The following ABCC11 variants were observed in gnomAD, a reference collection of about 807,000 sequenced individuals.
The protein encoded by ABCC11 is ATP-binding cassette sub-family C member 11.
ABCC11 carries 135 observed loss-of-function variants against 149.3 expected under a neutral mutation model. That is an observed-to-expected ratio of 0.90 (90% confidence interval 0.79 to 1.04). The LOEUF is 1.04. ABCC11 is among the 50% of genes least tolerant of loss of function. The pLI is 0.00. For missense variants in ABCC11, 1,680 were observed against 1,722.1 expected (o/e 0.98, Z 0.43); for synonymous variants, 665 against 671.4 (o/e 0.99, Z 0.15).
intron 7 of ABCC11, 53 bp from the exon 8 acceptor site, chr16:48,215,397 C>G (rs1969261286): frequency 1.3e-6 from 2 of 1,591,814 alleles, no homozygotes; most frequent in Non-Finnish European, 1.7e-6. Flanking sequence ...CTTCCTTTGA[C>G]AAGGGCAGGA....
chr16:48,216,576 T>C (rs1208672894), intron 6 of ABCC11, among the ~76,000 whole-genome samples: 1 of 152,232 alleles, frequency 6.6e-6, no homozygotes, highest in Non-Finnish European at 1.5e-5. Context: ...TCTGCACACA[T>C]AGAATGTGCT....
chr16:48,203,351 T>A (rs1425130622), intron 13 of ABCC11, 51 bp from the exon 14 acceptor site: 1 of 1,478,144 alleles, frequency 6.8e-7, no homozygotes, highest in Non-Finnish European at 9.3e-7. Flanking sequence ...CTCCCGCCCA[T>A]CACCCTTCCC....
intron 11 of ABCC11, 143 bp downstream of exon 11, chr16:48,210,805 A>G: frequency 2.6e-6 from 3 of 1,156,876 alleles, no homozygotes; most frequent in Non-Finnish European, 3.6e-6. Flanking sequence ...TTTGCCCTCC[A>G]TGAAAAATTT....
intron 6 of ABCC11, among the ~76,000 whole-genome samples, chr16:48,219,124 A>G (rs905703760): frequency 6.6e-6 from 1 of 151,322 alleles, no homozygotes; most frequent in Non-Finnish European, 1.5e-5. Flanking sequence ...AATGTTTTTT[A>G]TGGGTACCTT....
At chr16:48,244,488 G>A in intron 1 of ABCC11, 12 of 1,599,698 alleles carry the variant, frequency 7.5e-6, no homozygotes, top group Non-Finnish European at 9.3e-6. Context: ...CACCAGCGTG[G>A]ACTCGGCCCG....
chr16:48,177,303 T>C (rs1596669833), intron 24 of ABCC11, among the ~76,000 whole-genome samples, 190 bp from the exon 25 acceptor site: 1 of 152,332 alleles, frequency 6.6e-6, no homozygotes, highest in Middle Eastern at 3.4e-3. Context: ...TACAAAATTT[T>C]CCCCAGAAGA....
Position 48,200,380 on chromosome 16 carries a change from G to A in ABCC11, c.1978C>T (p.Pro660Ser). 6.2e-7 allele frequency: 1 copy of A among 1,614,254 alleles called. No individual in the cohort carries two copies. ...ACGTGGGCGTCCACAGCAGACAGGGGGTCGTCCAGCAGGTAGATCTGACGG... is the reference window on the plus strand; with the variant it reads ...ACGTGGGCGTCCACAGCAGACAGGGAGTCGTCCAGCAGGTAGATCTGACGG... ...SDRQIYLLDD[P>S]LSAVDAHVGK... Residue 660 changes from proline (P) to serine (S), a missense_variant, in exon 15 of 30, where the codon CCC (proline) becomes TCC (serine). Transcript: ENST00000356608.
chr16:48,230,662 G>T, intron 2 of ABCC11, 89 bp from the exon 3 acceptor site: 2 of 1,325,342 alleles, frequency 1.5e-6, no homozygotes, highest in African/African-American at 3.0e-5. Flanking sequence ...ATGGAGAAAT[G>T]GATTTTTCCA....
At chr16:48,218,121 A>AC (rs1250887038) in intron 6 of ABCC11, among the ~76,000 whole-genome samples, 5 of 152,030 alleles carry the variant, frequency 3.3e-5, no homozygotes, top group African/African-American at 1.2e-4. Context: ...ACATAGCAAG[A>AC]CCCCATCTCT....
intron 14 of ABCC11, among the ~76,000 whole-genome samples, chr16:48,201,512 A>G (rs530541025): frequency 5.0e-4 from 59 of 118,210 alleles, no homozygotes; most frequent in African/African-American, 1.8e-3. Context: ...AGGTCTCACT[A>G]TATTGCCTAG....
At position 48,230,447 on chromosome 16, in the gene ABCC11, G is replaced by C; in HGVS notation, c.226C>G (p.Pro76Ala). 1 of 1,608,112 alleles carries C rather than the reference G, an allele frequency of 6.2e-7. No individual in the cohort carries two copies. The highest frequency in any genetic ancestry group is 8.5e-7 in the Non-Finnish European group (1 of 1,177,562). ...AALRTMIPFR[P>A]KPRFPAPQPL... ...CCCATCAGGACTCACCTCGGCTTGGGACGGAAGGGAATCATGGTTCTCAAG... is the reference window on the plus strand; with the variant it reads ...CCCATCAGGACTCACCTCGGCTTGGCACGGAAGGGAATCATGGTTCTCAAG... The change falls in exon 3 of 30, where the codon CCC (proline) becomes GCC (alanine). Residue 76 changes from proline to alanine, a missense_variant. Coordinates refer to ENST00000356608, the MANE Select transcript of ABCC11 (RefSeq NM_001370497.1).
rs994241897 is a variant in ABCC11, at chr16:48,166,507, A to G, written c.*767T>C. ...TATCTTTCTGTTACAAGACCAACAA[A>G]CTCTTTTTTTTTTCCAAAGTTAGTT... is the stretch of plus-strand genomic sequence containing the variant. On this transcript the variant is annotated 3_prime_UTR_variant, in exon 30 of 30. Transcript: ENST00000356608. Among the ~76,000 whole-genome samples the G allele has an allele frequency of 2.0e-5, 3 of 151,356 alleles. No homozygotes were observed. Among genetic ancestry groups the G allele is most frequent in the African/African-American group, 7.3e-5 (3 of 41,104 alleles).
intron 22 of ABCC11, among the ~76,000 whole-genome samples, chr16:48,184,943 G>A (rs1473702469): frequency 6.6e-6 from 1 of 152,222 alleles, no homozygotes; most frequent in East Asian, 1.9e-4. Flanking sequence ...GTGAATAAAT[G>A]CCAGGACGTG....
intron 23 of ABCC11, among the ~76,000 whole-genome samples, chr16:48,180,722 G>A (rs1048027821): frequency 2.0e-5 from 3 of 152,196 alleles, no homozygotes; most frequent in African/African-American, 7.2e-5. Context: ...GGACCCCATA[G>A]CTGAGGTTTG....
At chr16:48,221,868 A>C (rs1969762125) in intron 6 of ABCC11, among the ~76,000 whole-genome samples, 2 of 151,648 alleles carry the variant, frequency 1.3e-5, no homozygotes. Context: ...TAGCCTCTCA[A>C]GTAGATGGGA....
chr16:48,202,798 T>A (rs1202508866), intron 14 of ABCC11, among the ~76,000 whole-genome samples: 2 of 152,300 alleles, frequency 1.3e-5, no homozygotes, highest in East Asian at 1.9e-4. Context: ...GCCACTTTTA[T>A]CTCGGGTGAG....
At chr16:48,207,793 C>G (rs752590481) in intron 12 of ABCC11, among the ~76,000 whole-genome samples, 1 of 152,180 alleles carries the variant, frequency 6.6e-6, no homozygotes, top group East Asian at 1.9e-4. Context: ...ACCTCAAACT[C>G]GTCCACAGGG....
Position 48,227,910 on chromosome 16 carries a change from C to CA in ABCC11, c.290dup (p.Ser98ValfsTer17), listed in dbSNP as rs754029703. ...GGATCATGAGCGGGGTGAGCCATGACACGGTGAGGTAGGAGAACAGGCCAG... is the reference window on the plus strand; with the variant it reads ...GGATCATGAGCGGGGTGAGCCATGACAACGGTGAGGTAGGAGAACAGGCCAG... On this transcript the variant is annotated frameshift_variant, in exon 4 of 30. Transcript: ENST00000356608. LOFTEE classifies it high-confidence loss of function. 6.2e-7 allele frequency: 1 copy of CA among 1,613,978 alleles called. No homozygotes were observed. The highest frequency in any genetic ancestry group is 2.2e-5 in the East Asian group (1 of 44,866).
chr16:48,196,131 G>A, intron 18 of ABCC11, 101 bp downstream of exon 18: 1 of 1,203,890 alleles, frequency 8.3e-7, no homozygotes, highest in Non-Finnish European at 1.2e-6. Context: ...TGGCTCCTCT[G>A]GACCTCTCTA....
Sources: gnomAD v4.1 joint callset for allele counts (sites outside exome capture counted in the v4.1 genomes callset) on GRCh38, gnomAD v4.1.1 for gene constraint, MANE v1.5 for transcripts, NCBI Gene and HGNC (gene_info 2026-07-23, HGNC 2026-07-21) for gene names.